The following STAC2 variants were observed in gnomAD, a reference collection of about 807,000 sequenced individuals.
STAC2 encodes the protein SH3 and cysteine rich domain 2.
In STAC2, 36 loss-of-function variants were observed where a neutral mutation model predicts 49.0. That is an observed-to-expected ratio of 0.74 (90% CI 0.56 to 0.97). STAC2 has a LOEUF of 0.97. Ranked by LOEUF, STAC2 falls within the 50% of genes least tolerant of loss-of-function variation. The pLI is 0.00. For synonymous variants in STAC2, 239 were observed against 214.7 expected (o/e 1.11, Z -0.99); for missense variants, 527 against 543.8 (o/e 0.97, Z 0.31).
At chr17:39,222,318 G>A (rs891298048) in intron 1 of STAC2, among the ~76,000 whole-genome samples, 7 of 152,178 alleles carry the variant, frequency 4.6e-5, no homozygotes, top group East Asian at 1.9e-4. Flanking sequence ...GAATGTTCCC[G>A]GGTACCAGGG....
chr17:39,219,997 A>G (rs1341356902), intron 1 of STAC2, among the ~76,000 whole-genome samples: 2 of 152,204 alleles, frequency 1.3e-5, no homozygotes, highest in African/African-American at 2.4e-5. Context: ...GCAGGCAGCA[A>G]GACAGAGGGG....
Position 39,220,987 on chromosome 17 carries a change from G to A in STAC2, c.91-2814C>T, listed in dbSNP as rs148995444. 3.0e-3 allele frequency among the ~76,000 whole-genome samples: 455 copies of A among 149,520 alleles called. 2 individuals carry two copies. The Middle Eastern group carries it at 0.066, about 22-fold the overall frequency. On this transcript the variant is annotated intron_variant, in intron 1 of 10. Transcript: ENST00000333461. Reference sequence around the variant, plus strand: ...AATTTTTTGTATTTTTAGTAGAGACGGGGTTTCACCGTGTTAGGCAGGATG... The same window carrying A: ...AATTTTTTGTATTTTTAGTAGAGACAGGGTTTCACCGTGTTAGGCAGGATG...
At position 39,213,558 on chromosome 17, in the gene STAC2, C is replaced by G; in HGVS notation, c.942G>C (p.Gln314His). Residue 314 changes from glutamine (Q) to histidine (H), a missense_variant and splice_region_variant, in exon 9 of 11, where the codon CAG becomes CAC. Transcript: ENST00000333461. Reference protein sequence around the residue: ...LPQENNDLALQPGDRIMLVDD... With the variant: ...LPQENNDLALHPGDRIMLVDD... ...CCACCAGCATGATCCGATCTCCAGGCCTGGGGAGGACAGAGCTAGGGTTGC... is the reference window on the plus strand; with the variant it reads ...CCACCAGCATGATCCGATCTCCAGGGCTGGGGAGGACAGAGCTAGGGTTGC... The G allele has an allele frequency of 6.2e-7, 1 of 1,613,648 alleles. No individual in the cohort carries two copies. Among genetic ancestry groups the G allele is most frequent in the Non-Finnish European group, 8.5e-7 (1 of 1,179,678 alleles).
chr17:39,212,337 G>A lies in STAC2; in HGVS notation c.1191C>T (p.Gly397=). 2 of 1,612,456 alleles carry A rather than the reference G, an allele frequency of 1.2e-6. No individual in the cohort carries two copies. The highest frequency in any genetic ancestry group is 2.2e-5 in the South Asian group (2 of 90,576). ...DADGFIRVSS[G]KKRGLVPVDA... is the part of the protein sequence containing the mutation. Reference sequence around the variant, plus strand: ...CGACTGGCACCAGGCCCCGCTTCTTGCCACTGCTGACGCGGATGAAGCCGT... The same window carrying A: ...CGACTGGCACCAGGCCCCGCTTCTTACCACTGCTGACGCGGATGAAGCCGT... Residue 397 remains glycine, a synonymous_variant, in exon 11 of 11, where the codon GGC becomes GGT. Coordinates refer to ENST00000333461, the MANE Select transcript of STAC2 (RefSeq NM_198993.5).
In STAC2 at chr17:39,212,425, C is replaced by T. The variant is rs16548; in HGVS notation, c.1132-29G>A. On this transcript the variant is annotated intron_variant, in intron 10 of 10. Coordinates refer to ENST00000333461, the MANE Select transcript of STAC2 (RefSeq NM_198993.5). Reference sequence around the variant, plus strand: ...AGCCAGAGAGACATGGAGCTGAGGCCTGGCATGGCCTGCAGCCCTGGCCCT... The same window carrying T: ...AGCCAGAGAGACATGGAGCTGAGGCTTGGCATGGCCTGCAGCCCTGGCCCT... The T allele has an allele frequency of 1.1e-3, 1,779 of 1,562,514 alleles. 19 individuals are homozygous for T. The African/African-American group carries it at 0.021, about 19-fold the overall frequency.
At chr17:39,221,091 T>C (rs1410940700) in intron 1 of STAC2, among the ~76,000 whole-genome samples, 3 of 151,586 alleles carry the variant, frequency 2.0e-5, no homozygotes, top group African/African-American at 7.3e-5. Context: ...CCACCATGCC[T>C]GCCCTCTTGT....
At chr17:39,217,783 A>G in intron 2 of STAC2, 84 bp downstream of exon 2, 1 of 1,397,410 alleles carries the variant, frequency 7.2e-7, no homozygotes, top group South Asian at 1.3e-5. Context: ...GCAAGAGCCC[A>G]ATAATATTGG....
intron 1 of STAC2, 90 bp from the exon 2 acceptor site, chr17:39,218,263 G>A (rs549290802): frequency 1.3e-5 from 18 of 1,350,494 alleles, no homozygotes; most frequent in East Asian, 4.6e-5. Flanking sequence ...CGGTAGGGGC[G>A]GCAGCAGCAG....
At position 39,214,996 on chromosome 17, in the gene STAC2, C is replaced by A; in HGVS notation, c.727G>T (p.Gly243Trp). Residue 243 changes from glycine (G) to tryptophan (W), a missense_variant, in exon 6 of 11, where the codon GGG (glycine) becomes TGG (tryptophan). By Grantham distance (184) the Gly-to-Trp change is radical (BLOSUM62 -2). Coordinates refer to ENST00000333461, the MANE Select transcript of STAC2 (RefSeq NM_198993.5). ...TCAGAGCTGCGGATGCTGCCTTCCC[C>A]ATCCTCGGTCAGCTCATCCCGCTCA... ...LSERDELTEDGEGSIRSSEEG... is the reference protein window; with the variant it reads ...LSERDELTEDWEGSIRSSEEG... The A allele has an allele frequency of 1.9e-6, 3 of 1,614,128 alleles. No homozygotes were observed. The highest frequency in any genetic ancestry group is 2.5e-6 in the Non-Finnish European group (3 of 1,180,010).
rs757848051 is a variant in STAC2, at chr17:39,216,795, A to AG, written c.586+14dup. The stretch of plus-strand genomic sequence containing the variant: ...CACAATGGGAGCAGGGACTGCGGCC[A>AG]GGGGGGGCACTCACCAGTGGGTGGG... On this transcript the variant is annotated intron_variant, in intron 4 of 10. Transcript: ENST00000333461. 1.3e-5 allele frequency: 21 copies of AG among 1,569,674 alleles called. No homozygotes were observed. Among genetic ancestry groups the AG allele is most frequent in the Middle Eastern group, 1.7e-4 (1 of 5,920 alleles).
chr17:39,213,408 C>G, intron 9 of STAC2, 99 bp downstream of exon 9: 3 of 1,461,292 alleles, frequency 2.1e-6, no homozygotes, highest in Non-Finnish European at 2.8e-6. Context: ...GAGAGGTTGT[C>G]TTTGGGGCCT....
rs991931303 is a variant in STAC2 at position 39,214,316 on chromosome 17, G to T, written c.858C>A (p.Thr286=). The T allele has an allele frequency of 6.2e-7, 1 of 1,613,978 alleles. No individual in the cohort carries two copies. The highest frequency in any genetic ancestry group is 8.5e-7 in the Non-Finnish European group (1 of 1,179,946). ...ACATGGGCCCCACATCCTTCCGCAG[G>T]GTGGCTTTGGGGAGCTGCGGGAGAA... The part of the protein sequence containing the change: ...KSPGQQLPKA[T]LRKDVGPMYS... The change falls in exon 8 of 11, where the codon ACC becomes ACA. Residue 286 remains threonine (T), a synonymous_variant. Transcript: ENST00000333461.
chr17:39,213,534 C>T lies in STAC2; in HGVS notation c.966G>A (p.Val322=), dbSNP rs759279470. The change falls in exon 9 of 11, where the codon GTG becomes GTA. Residue 322 remains valine (V), a synonymous_variant. Transcript: ENST00000333461. ...ALQPGDRIML[V]DDSNEDWWKG... Reference sequence around the variant, plus strand: ...TCCACCAGTCCTCGTTAGAGTCATCCACCAGCATGATCCGATCTCCAGGCC... The same window carrying T: ...TCCACCAGTCCTCGTTAGAGTCATCTACCAGCATGATCCGATCTCCAGGCC... 5.0e-6 allele frequency: 8 copies of T among 1,613,910 alleles called. No individual in the cohort carries two copies. Among genetic ancestry groups the T allele is most frequent in the South Asian group, 4.4e-5 (4 of 91,074 alleles).
chr17:39,216,737 A>G (rs1359233986), intron 4 of STAC2, 73 bp downstream of exon 4: 9 of 1,411,670 alleles, frequency 6.4e-6, no homozygotes, highest in Non-Finnish European at 8.7e-6. Flanking sequence ...TGTGTTGGCC[A>G]GGCTGGTCAG....
At chr17:39,221,371 T>C (rs1375392385) in intron 1 of STAC2, among the ~76,000 whole-genome samples, 1 of 152,072 alleles carries the variant, frequency 6.6e-6, no homozygotes, top group Non-Finnish European at 1.5e-5. Context: ...AGTGCTGGGA[T>C]TACAGGCGTC....
chr17:39,214,090 T>A, intron 8 of STAC2, 143 bp downstream of exon 8: 2 of 895,968 alleles, frequency 2.2e-6, no homozygotes. Flanking sequence ...GAGTCACTCT[T>A]AGACCCTGGG....
At chr17:39,212,925 A>ACCGCAGCCTGTCTCCCCCGCC in intron 10 of STAC2, 70 bp downstream of exon 10, 2 of 1,585,412 alleles carry the variant, frequency 1.3e-6, no homozygotes, top group African/African-American at 1.3e-5. Flanking sequence ...TTACCCCCGC[A>ACCGCAGCCTGTCTCCCCCGCC]CCGCAGCCTG....
intron 1 of STAC2, among the ~76,000 whole-genome samples, chr17:39,223,118 C>A (rs764050764): frequency 3.3e-5 from 5 of 152,182 alleles, no homozygotes; most frequent in Non-Finnish European, 7.3e-5. Flanking sequence ...CCAGGGGGCA[C>A]CAACACTGAT....
At position 39,217,989 on chromosome 17, in the gene STAC2, G is replaced by A; in HGVS notation, c.275C>T (p.Ser92Phe). Residue 92 changes from serine to phenylalanine, a missense_variant, in exon 2 of 11, where the codon TCC becomes TTC. Physicochemically the swap from Ser to Phe is radical, Grantham distance 155. Transcript: ENST00000333461. ...GCGTGGGACTGGGCATGGGGAGGGG[G>A]ATGGGGTAGCCAGGCCCCTGTCCGA... ...TASDRGLATPSPSPCPVPRPL... is the reference protein window; with the variant it reads ...TASDRGLATPFPSPCPVPRPL... 3 of 1,576,144 alleles carry A rather than the reference G, an allele frequency of 1.9e-6. No homozygotes were observed. The highest frequency in any genetic ancestry group is 2.6e-6 in the Non-Finnish European group (3 of 1,160,306).
Sources: gnomAD v4.1 joint callset for allele counts (sites outside exome capture counted in the v4.1 genomes callset) on GRCh38, gnomAD v4.1.1 for gene constraint, MANE v1.5 for transcripts, NCBI Gene and HGNC (gene_info 2026-07-23, HGNC 2026-07-21) for gene names.